PEBP4: variants seen among roughly 807,000 people sequenced by gnomAD.
The protein encoded by PEBP4 is phosphatidylethanolamine-binding protein 4.
In PEBP4, 22 loss-of-function variants were observed where a neutral mutation model predicts 23.9. The ratio of observed to expected loss-of-function variants is 0.92; its 90% CI spans 0.66 to 1.31. PEBP4 has a LOEUF of 1.31. Among genes scored for constraint, PEBP4 ranks in the 40% most tolerant of loss-of-function variants. PEBP4 has a pLI of 0.00. For missense variants in PEBP4, 324 were observed against 281.7 expected, an observed-to-expected ratio of 1.15 and a Z score of -1.07; for synonymous variants, 112 against 99.3, an observed-to-expected ratio of 1.13 and a Z score of -0.76.
chr8:22,937,409 C>G (rs189429443), intron 1 of PEBP4, among the ~76,000 whole-genome samples: 82 of 152,204 alleles, frequency 5.4e-4, no homozygotes, highest in African/African-American at 1.9e-3. Flanking sequence ...CACACTGAAA[C>G]TACAAAATTT....
intron 4 of PEBP4, among the ~76,000 whole-genome samples, chr8:22,737,856 C>G (rs1187199702): frequency 6.6e-6 from 1 of 152,166 alleles, no homozygotes; most frequent in African/African-American, 2.4e-5. Context: ...ATGGAATATT[C>G]TGAAGTCCCG....
At chr8:22,802,352 C>A (rs1252976070) in intron 4 of PEBP4, among the ~76,000 whole-genome samples, 2 of 152,242 alleles carry the variant, frequency 1.3e-5, no homozygotes, top group African/African-American at 4.8e-5. Flanking sequence ...TCTCACCCGG[C>A]ACTCCTGGAT....
At chr8:22,909,285 C>G (rs1481422906) in intron 3 of PEBP4, among the ~76,000 whole-genome samples, 2 of 152,092 alleles carry the variant, frequency 1.3e-5, no homozygotes, top group African/African-American at 4.8e-5. Context: ...CTCCCTACCC[C>G]ATCCTCTGCG....
intron 3 of PEBP4, among the ~76,000 whole-genome samples, chr8:22,861,757 A>G (rs1351251329): frequency 1.3e-5 from 2 of 152,232 alleles, no homozygotes; most frequent in Non-Finnish European, 2.9e-5. Context: ...AAAGAGAAAT[A>G]TCAAGAACTA....
At chr8:22,822,434 A>G (rs1445061057) in intron 3 of PEBP4, among the ~76,000 whole-genome samples, 1 of 152,116 alleles carries the variant, frequency 6.6e-6, no homozygotes, top group East Asian at 1.9e-4. Flanking sequence ...TGACACATCC[A>G]AGAAAGTAAT....
intron 3 of PEBP4, among the ~76,000 whole-genome samples, chr8:22,878,586 C>G (rs1808178799): frequency 6.6e-6 from 1 of 152,190 alleles, no homozygotes; most frequent in Admixed American, 6.5e-5. Flanking sequence ...GCTTCCCTCT[C>G]CGGGCCTGGC....
rs111871984 is a variant in PEBP4 at position 22,794,163 on chromosome 8, T to A, written c.357+23474A>T. 8.6e-3 allele frequency among the ~76,000 whole-genome samples: 1,308 copies of A among 152,336 alleles called. 18 individuals are homozygous for A. The highest frequency in any genetic ancestry group is 0.03 in the African/African-American group (1,237 of 41,578). On this transcript the variant is annotated intron_variant, in intron 4 of 6. Transcript: ENST00000256404. Reference sequence around the variant, plus strand: ...CCTTTGCTCATTTTTCTACTTAGTATTTTTCTATTGGTCAAAAATAAATAA... The same window carrying A: ...CCTTTGCTCATTTTTCTACTTAGTAATTTTCTATTGGTCAAAAATAAATAA...
intron 2 of PEBP4, among the ~76,000 whole-genome samples, chr8:22,927,267 GTCTC>G (rs137935530): frequency 0.013 from 1,998 of 152,178 alleles, 45 homozygotes; most frequent in African/African-American, 0.045. Context: ...CTCTCTCTGG[GTCTC>G]TCTCTGAGGG....
chr8:22,915,650 G>A (rs1053907138), intron 3 of PEBP4, among the ~76,000 whole-genome samples: 7 of 152,188 alleles, frequency 4.6e-5, no homozygotes, highest in East Asian at 3.9e-4. Flanking sequence ...AGTCCATGGC[G>A]GCTGCAGTCC....
At chr8:22,772,573 G>A (rs1805738125) in intron 4 of PEBP4, among the ~76,000 whole-genome samples, 1 of 141,216 alleles carries the variant, frequency 7.1e-6, no homozygotes, top group African/African-American at 2.6e-5. Flanking sequence ...GTAGCTCATT[G>A]CGGCATCCAA....
In PEBP4 at chr8:22,727,277, G is replaced by A. The variant is rs937232143; in HGVS notation, c.358-57C>T. On this transcript the variant is annotated intron_variant, in intron 4 of 6. Coordinates refer to ENST00000256404, the MANE Select transcript of PEBP4 (RefSeq NM_144962.3). ...ATGTCTTGGGCACACTTCAGGCCACGTGGGCTCTGCGGGATTGCTTCTCTC... is the reference window on the plus strand; with the variant it reads ...ATGTCTTGGGCACACTTCAGGCCACATGGGCTCTGCGGGATTGCTTCTCTC... 1.2e-5 allele frequency: 18 copies of A among 1,564,386 alleles called. No homozygotes were observed. In the African/African-American group the frequency reaches 1.2e-4, roughly 11 times the overall value.
chr8:22,868,066 G>A (rs1032520477), intron 3 of PEBP4, among the ~76,000 whole-genome samples: 6 of 152,130 alleles, frequency 3.9e-5, no homozygotes, highest in Non-Finnish European at 7.4e-5. Flanking sequence ...AGTGGCTGCC[G>A]ACAGAGTTGA....
At chr8:22,817,039 G>A (rs1026510843) in intron 4 of PEBP4, among the ~76,000 whole-genome samples, 1 of 152,210 alleles carries the variant, frequency 6.6e-6, no homozygotes, top group Non-Finnish European at 1.5e-5. Flanking sequence ...CAAGCCACCA[G>A]ATTTGAGGAC....
intron 4 of PEBP4, among the ~76,000 whole-genome samples, chr8:22,743,512 T>C (rs192919922): frequency 3.9e-5 from 6 of 152,210 alleles, no homozygotes; most frequent in African/African-American, 1.4e-4. Context: ...AGGAGCCTGA[T>C]GGCAGCCCCA....
At chr8:22,715,534 C>T (rs960740078) in intron 6 of PEBP4, among the ~76,000 whole-genome samples, 14 of 152,184 alleles carry the variant, frequency 9.2e-5, no homozygotes, top group Non-Finnish European at 1.8e-4. Flanking sequence ...GGAACCTGCA[C>T]GGCAGGAAGG....
intron 3 of PEBP4, among the ~76,000 whole-genome samples, chr8:22,911,307 G>C (rs1370097377): frequency 6.6e-6 from 1 of 152,020 alleles, no homozygotes; most frequent in Non-Finnish European, 1.5e-5. Context: ...TGCCCTCAAA[G>C]TCGGGATCCT....
chr8:22,940,743 C>A, intron 1 of PEBP4, among the ~76,000 whole-genome samples: 1 of 152,136 alleles, frequency 6.6e-6, no homozygotes. Context: ...CCTGCCTTGG[C>A]CTCCCAAAGT....
intron 4 of PEBP4, among the ~76,000 whole-genome samples, chr8:22,730,771 T>C (rs1317404511): frequency 6.6e-6 from 1 of 152,134 alleles, no homozygotes; most frequent in African/African-American, 2.4e-5. Context: ...AGAGATCGGC[T>C]TTGGAAGGAG....
chr8:22,727,817 C>A (rs912375150), intron 4 of PEBP4, among the ~76,000 whole-genome samples: 4 of 152,172 alleles, frequency 2.6e-5, no homozygotes, highest in African/African-American at 9.7e-5. Flanking sequence ...AACCCTGGGG[C>A]AGTTTCTTTG....
Sources: allele counts gnomAD v4.1 joint callset (sites outside exome capture counted in the v4.1 genomes callset), GRCh38; gene constraint gnomAD v4.1.1; transcripts MANE v1.5; gene names NCBI Gene and HGNC (gene_info 2026-07-23, HGNC 2026-07-21).